KRT5: variants seen among roughly 807,000 people sequenced by gnomAD.
KRT5 encodes keratin, type II cytoskeletal 5.
A neutral mutation model predicts 44.0 loss-of-function variants in KRT5; 17 were observed. The observed-to-expected ratio is 0.39, with a 90% confidence interval of 0.26 to 0.58. The LOEUF is 0.58. KRT5 is among the 20% of genes least tolerant of loss of function. The probability of loss-of-function intolerance (pLI) is 0.61; values close to 1 mark genes in which losing one functional copy is unlikely to be tolerated. For missense variants in KRT5, 737 were observed against 785.5 expected (o/e 0.94, Z 0.74); for synonymous variants, 329 against 312.8 (o/e 1.05, Z -0.55).
intron 8 of KRT5, 119 bp from the exon 9 acceptor site, chr12:52,515,359 A>G: frequency 7.1e-7 from 1 of 1,404,776 alleles, no homozygotes. Context: ...AGAGTAGCAA[A>G]CAAGGCCCGG....
rs1236961587 is a variant in KRT5, at chr12:52,517,202, G to A, written c.1123C>T (p.His375Tyr). 6.2e-7 allele frequency: 1 copy of A among 1,614,084 alleles called. No individual in the cohort carries two copies. Among genetic ancestry groups the A allele is most frequent in the Admixed American group, 1.7e-5 (1 of 60,022 alleles). Reference protein sequence around the residue: ...YEELQQTAGRHGDDLRNTKHE... With the variant: ...YEELQQTAGRYGDDLRNTKHE... ...TTGGTGTTGCGGAGGTCATCGCCAT[G>A]CCGGCCAGCTGTCTGCTGCAGCTCC... The change falls in exon 6 of 9, where the codon CAT (histidine) becomes TAT (tyrosine). Residue 375 changes from histidine to tyrosine, a missense_variant. By Grantham distance (83) the His-to-Tyr change is moderately conservative. Coordinates refer to ENST00000252242, the MANE Select transcript of KRT5 (RefSeq NM_000424.4).
chr12:52,516,377 G>A, intron 7 of KRT5: 1 of 513,566 alleles, frequency 1.9e-6, no homozygotes, highest in Non-Finnish European at 3.5e-6. Flanking sequence ...AAGCAGAAAA[G>A]GCACAAGTGT....
At position 52,514,820 on chromosome 12, in the gene KRT5, A is replaced by C; in HGVS notation, c.*122T>G. 1.2e-6 allele frequency: 1 copy of C among 835,022 alleles called. No individual in the cohort carries two copies. Among genetic ancestry groups the C allele is most frequent in the Non-Finnish European group, 2.0e-6 (1 of 511,238 alleles). 51.7% of individuals were successfully genotyped at this position (835,022 alleles called of 1,614,324 possible). The stretch of plus-strand genomic sequence containing the variant: ...GGGAACCAAAGAATGTGGTTCTGCA[A>C]TTGGCTTGGTCTAGACTACTCTCCA... On this transcript the variant is annotated 3_prime_UTR_variant, in exon 9 of 9. Transcript: ENST00000252242.
intron 4 of KRT5, 59 bp from the exon 5 acceptor site, chr12:52,517,813 C>T: frequency 6.2e-7 from 1 of 1,610,708 alleles, no homozygotes; most frequent in South Asian, 1.1e-5. Flanking sequence ...AATGTCAGTT[C>T]CATTCAAATC....
In KRT5 at chr12:52,518,158, T is replaced by C; in HGVS notation, c.776A>G (p.Glu259Gly). The C allele has an allele frequency of 6.2e-7, 1 of 1,614,150 alleles. No individual in the cohort carries two copies. The highest frequency in any genetic ancestry group is 8.5e-7 in the Non-Finnish European group (1 of 1,179,970). Residue 259 changes from glutamate to glycine, a missense_variant, in exon 3 of 9, where the codon GAG becomes GGG. By Grantham distance (98) the Glu-to-Gly change is moderately conservative. Coordinates refer to ENST00000252242, the MANE Select transcript of KRT5 (RefSeq NM_000424.4). ...DLVEDFKNKY[E>G]DEINKRTTAE... ...AGTGGTACGCTTGTTGATTTCATCC[T>C]CATACCTGGTGGTGAAAGGGATGGG...
Position 52,519,823 on chromosome 12 carries a change from G to T in KRT5, c.474C>A (p.Asp158Glu), listed in dbSNP as rs1244115077. Reference protein sequence around the residue: ...SLLTPLNLQIDPSIQRVRTEE... With the variant: ...SLLTPLNLQIEPSIQRVRTEE... Reference sequence around the variant, plus strand: ...CGGTCCTCACCCTCTGGATGCTGGGGTCGATTTGCAGGTTGAGGGGAGTCA... The same window carrying T: ...CGGTCCTCACCCTCTGGATGCTGGGTTCGATTTGCAGGTTGAGGGGAGTCA... Residue 158 changes from aspartate (D) to glutamate (E), a missense_variant, in exon 1 of 9, where the codon GAC (aspartate) becomes GAA (glutamate). By Grantham distance (45) the Asp-to-Glu change is conservative (BLOSUM62 2). Around this residue, in one of 5 missense-constraint regions of KRT5, gnomAD observed 326 missense variants for 333.1 expected, o/e 0.98. Transcript: ENST00000252242. The T allele has an allele frequency of 1.9e-6, 3 of 1,613,844 alleles. No individual in the cohort carries two copies. Among genetic ancestry groups the T allele is most frequent in the Non-Finnish European group, 2.5e-6 (3 of 1,180,014 alleles).
intron 7 of KRT5, chr12:52,516,296 G>C: frequency 2.5e-6 from 1 of 406,914 alleles, no homozygotes; most frequent in South Asian, 2.2e-5. Flanking sequence ...GAAGGAAGGG[G>C]TACTGGAGGA....
Position 52,519,128 on chromosome 12 carries a change from C to T in KRT5, c.588G>A (p.Leu196=), listed in dbSNP as rs772463154. 4 of 1,614,102 alleles carry T rather than the reference C, an allele frequency of 2.5e-6. No homozygotes were observed. Among genetic ancestry groups the T allele is most frequent in the Admixed American group, 3.3e-5 (2 of 60,012 alleles). Reference sequence around the variant, plus strand: ...CCTGCAGCAGGGTCCACTTGGTGTCCAGAACCTTGTTCTGCTGCTCCAGGA... The same window carrying T: ...CCTGCAGCAGGGTCCACTTGGTGTCTAGAACCTTGTTCTGCTGCTCCAGGA... ...VRFLEQQNKV[L]DTKWTLLQEQ... is the part of the protein sequence containing the mutation. Residue 196 remains leucine, a synonymous_variant, in exon 2 of 9, where the codon CTG becomes CTA. Transcript: ENST00000252242.
intron 6 of KRT5, 104 bp downstream of exon 6, chr12:52,517,003 G>A: frequency 1.3e-6 from 2 of 1,509,018 alleles, no homozygotes; most frequent in East Asian, 4.5e-5. Flanking sequence ...ACTGGTACTG[G>A]ATCTAGCTGC....
Position 52,517,177 on chromosome 12 carries a change from T to G in KRT5, c.1148A>C (p.Lys383Thr), listed in dbSNP as rs1156362973. The change falls in exon 6 of 9, where the codon AAG becomes ACG. Residue 383 changes from lysine (K) to threonine (T), a missense_variant. By Grantham distance (78) the Lys-to-Thr change is moderately conservative. Transcript: ENST00000252242. ...GRHGDDLRNT[K>T]HEISEMNRMI... ...CCGGTTCATCTCAGAGATCTCATGC[T>G]TGGTGTTGCGGAGGTCATCGCCATG... The G allele has an allele frequency of 6.2e-7, 1 of 1,614,152 alleles. No homozygotes were observed.
intron 6 of KRT5, 107 bp from the exon 7 acceptor site, chr12:52,516,964 G>T: frequency 6.6e-7 from 1 of 1,512,320 alleles, no homozygotes; most frequent in Non-Finnish European, 9.2e-7. Context: ...AGAGAAACCA[G>T]TACATCGTGG....
rs1289789425 is a variant in KRT5, at chr12:52,517,975, G to A, written c.849C>T (p.Tyr283=). The A allele has an allele frequency of 8.7e-6, 14 of 1,614,016 alleles. No individual in the cohort carries two copies. Among genetic ancestry groups the A allele is most frequent in the Non-Finnish European group, 1.1e-5 (13 of 1,179,964 alleles). The part of the protein sequence containing the change: ...VMLKKDVDAA[Y]MNKVELEAKV... ...TGGCCTCCAGCTCCACCTTGTTCAT[G>A]TAGGCAGCATCTACATCCTGGGGAA... is the stretch of plus-strand genomic sequence containing the variant. Residue 283 remains tyrosine, a synonymous_variant, in exon 4 of 9, where the codon TAC becomes TAT. Coordinates refer to ENST00000252242, the MANE Select transcript of KRT5 (RefSeq NM_000424.4).
At position 52,514,873 on chromosome 12, in the gene KRT5, C is replaced by T; in HGVS notation, c.*69G>A. On this transcript the variant is annotated 3_prime_UTR_variant, in exon 9 of 9. Coordinates refer to ENST00000252242, the MANE Select transcript of KRT5 (RefSeq NM_000424.4). ...AAAGGATAAAACATGGCTTGAGCAA[C>T]TGCCTAGAAGAGGCAATCTCCATGG... The T allele has an allele frequency of 3.0e-6, 4 of 1,332,860 alleles. No individual in the cohort carries two copies. The highest frequency in any genetic ancestry group is 4.3e-6 in the Non-Finnish European group (4 of 929,754). 82.6% of individuals were successfully genotyped at this position (1,332,860 alleles called of 1,614,324 possible).
chr12:52,520,004 C>T lies in KRT5; in HGVS notation c.293G>A (p.Gly98Glu), dbSNP rs534913364. The T allele has an allele frequency of 1.2e-6, 2 of 1,613,984 alleles. No homozygotes were observed. Residue 98 changes from glycine (G) to glutamate (E), a missense_variant, in exon 1 of 9, where the codon GGA becomes GAA. Physicochemically the swap from Gly to Glu is moderately conservative, Grantham distance 98. Around this residue, in one of 5 missense-constraint regions of KRT5, gnomAD observed 326 missense variants for 333.1 expected, o/e 0.98. Transcript: ENST00000252242. ...ACCAAATCCACTACCGGCACCACCT[C>T]CAAAGCCATAGCCGCCTCCAGCACC... ...GAGAGGGYGFGGGAGSGFGFG... is the reference protein window; with the variant it reads ...GAGAGGGYGFEGGAGSGFGFG...
At chr12:52,515,275 T>A in intron 8 of KRT5, 35 bp from the exon 9 acceptor site, 2 of 1,601,942 alleles carry the variant, frequency 1.2e-6, no homozygotes, top group Non-Finnish European at 1.7e-6. Flanking sequence ...AGTGAGACCA[T>A]CTGCCAGGCT....
rs545531634 is a variant in KRT5 at position 52,516,448 on chromosome 12, G to C, written c.1439+189C>G. 212 of 647,376 alleles carry C rather than the reference G, an allele frequency of 3.3e-4. 2 individuals are homozygous for C. The East Asian group carries it at 5.1e-3, about 16-fold the overall frequency. 40.1% of individuals were successfully genotyped at this position (647,376 alleles called of 1,614,324 possible). A position where few individuals can be genotyped will look rare whatever the true frequency, so the allele number is the denominator to read the frequency against. On this transcript the variant is annotated intron_variant, in intron 7 of 8. Transcript: ENST00000252242. Reference sequence around the variant, plus strand: ...ACAGCCAGTGCCCAGGAACACCGGTGGGGGAAAAGAGACCAGAAAAGTGAG... The same window carrying C: ...ACAGCCAGTGCCCAGGAACACCGGTCGGGGAAAAGAGACCAGAAAAGTGAG...
intron 1 of KRT5, 95 bp from the exon 2 acceptor site, chr12:52,519,255 A>C: frequency 1.9e-6 from 3 of 1,542,570 alleles, no homozygotes; most frequent in Non-Finnish European, 2.6e-6. Flanking sequence ...CGTCCCTCTA[A>C]AGCTTTTCTG....
At chr12:52,516,207 G>A (rs920024549) in intron 7 of KRT5, 2 of 427,268 alleles carry the variant, frequency 4.7e-6, no homozygotes, top group Non-Finnish European at 8.6e-6. Context: ...GGCAATGTCA[G>A]AGGTTGAAGC....
intron 2 of KRT5, 54 bp from the exon 3 acceptor site, chr12:52,518,217 G>T: frequency 6.5e-7 from 1 of 1,548,984 alleles, no homozygotes; most frequent in African/African-American, 1.4e-5. Context: ...ACAGGTAAGG[G>T]GTCTTTATTA....
Sources: gnomAD v4.1 joint callset for allele counts on GRCh38, gnomAD v4.1.1 for gene constraint, gnomAD v4.1.1 regional missense constraint, MANE v1.5 for transcripts, NCBI Gene and HGNC (gene_info 2026-07-23, HGNC 2026-07-21) for gene names.